The following ABCC2 variants were observed in gnomAD, a reference collection of about 807,000 sequenced individuals.
The protein encoded by ABCC2 is ATP binding cassette subfamily C member 2.
Under a neutral mutation model 173.4 loss-of-function variants are expected in ABCC2, and 157 were observed. The ratio of observed to expected loss-of-function variants is 0.91; its 90% CI spans 0.80 to 1.03. The LOEUF (loss-of-function observed/expected upper bound fraction) is 1.03, where lower values mean the gene tolerates loss of function less well. Among genes scored for constraint, ABCC2 ranks in the 50% least tolerant of loss-of-function variants. The probability of loss-of-function intolerance (pLI) is 0.00; values close to 1 mark genes in which losing one functional copy is unlikely to be tolerated. For missense variants in ABCC2, 1,822 were observed against 1,852.3 expected (o/e 0.98, Z 0.30); for synonymous variants, 657 against 693.5 (o/e 0.95, Z 0.83).
intron 19 of ABCC2, among the ~76,000 whole-genome samples, chr10:99,825,453 G>A (rs1414131673): frequency 1.3e-5 from 2 of 152,248 alleles, no homozygotes; most frequent in African/African-American, 2.4e-5. Flanking sequence ...TTACACACAG[G>A]TCTGTTCTCT....
chr10:99,833,823 G>A (rs1207318902), intron 23 of ABCC2, among the ~76,000 whole-genome samples: 1 of 152,060 alleles, frequency 6.6e-6, no homozygotes, highest in Non-Finnish European at 1.5e-5. Flanking sequence ...TTTAGGCAAG[G>A]GCAACCCAAA....
rs144305268 is a variant in ABCC2, at chr10:99,792,924, C to T, written c.333+565C>T. Among the ~76,000 whole-genome samples, 162 of 152,258 alleles carry T rather than the reference C, an allele frequency of 1.1e-3. 4 individuals are homozygous for T. In the East Asian group the frequency reaches 0.029, roughly 27 times the overall value. On this transcript the variant is annotated intron_variant, in intron 3 of 31. Coordinates refer to ENST00000647814, the MANE Select transcript of ABCC2 (RefSeq NM_000392.5). ...ATCAAAATGTCTGGCAATCGCAAAC[C>T]TACGTTCAGGCAGAGCAATGTCAGC...
At chr10:99,791,516 G>T (rs2037811770) in intron 2 of ABCC2, among the ~76,000 whole-genome samples, 1 of 152,162 alleles carries the variant, frequency 6.6e-6, no homozygotes, top group South Asian at 2.1e-4. Context: ...AGCTAAAAGA[G>T]AATTCTTTAA....
At chr10:99,808,703 C>T (rs2038158149) in intron 13 of ABCC2, among the ~76,000 whole-genome samples, 1 of 152,098 alleles carries the variant, frequency 6.6e-6, no homozygotes, top group Admixed American at 6.5e-5. Flanking sequence ...GTTCAGGAAA[C>T]CTTGGATGGA....
At chr10:99,829,640 C>G (rs1173642887) in intron 19 of ABCC2, among the ~76,000 whole-genome samples, 1 of 152,018 alleles carries the variant, frequency 6.6e-6, no homozygotes, top group Non-Finnish European at 1.5e-5. Flanking sequence ...TGAGCATTTT[C>G]TTTTCTGTTT....
chr10:99,825,391 A>T (rs1400175686), intron 19 of ABCC2, among the ~76,000 whole-genome samples: 2 of 152,232 alleles, frequency 1.3e-5, no homozygotes, highest in African/African-American at 4.8e-5. Context: ...TGATAGAGAC[A>T]TCTGCTCCAG....
At position 99,800,558 on chromosome 10, in the gene ABCC2, A is replaced by G. The variant is rs2037999987; in HGVS notation, c.1204A>G (p.Lys402Glu). ...VRTAIMASVY[K>E]KALTLSNLAR... is the part of the protein sequence containing the mutation. ...GACAGCTATCATGGCTTCTGTATAT[A>G]AGAAGGTAAGCAGAATACGGCAGGT... The change falls in exon 9 of 32, where the codon AAG (lysine) becomes GAG (glutamate). Residue 402 changes from lysine to glutamate, a missense_variant. Lys to Glu is a moderately conservative substitution (Grantham distance 56, BLOSUM62 1). Coordinates refer to ENST00000647814, the MANE Select transcript of ABCC2 (RefSeq NM_000392.5). The G allele has an allele frequency of 6.2e-7, 1 of 1,614,008 alleles. No individual in the cohort carries two copies.
intron 13 of ABCC2, 147 bp from the exon 14 acceptor site, chr10:99,809,987 G>A (rs1046732702): frequency 2.9e-6 from 2 of 695,612 alleles, no homozygotes; most frequent in South Asian, 1.6e-5. Context: ...GTCTATGGTG[G>A]GATAGCTTCC....
Position 99,842,098 on chromosome 10 carries a change from G to A in ABCC2, c.3741+5G>A, listed in dbSNP as rs1163176688. 6.2e-7 allele frequency: 1 copy of A among 1,614,076 alleles called. No individual in the cohort carries two copies. Among genetic ancestry groups the A allele is most frequent in the African/African-American group, 1.3e-5 (1 of 74,946 alleles). ...GTTCTGTCCAATGCACTCAATGTGA[G>A]TTTGAAGGTTGGGAGTTTGGTTTCG... On this transcript the variant is annotated splice_donor_5th_base_variant and intron_variant, in intron 26 of 31. Coordinates refer to ENST00000647814, the MANE Select transcript of ABCC2 (RefSeq NM_000392.5).
intron 9 of ABCC2, among the ~76,000 whole-genome samples, 171 bp downstream of exon 9, chr10:99,800,734 G>T (rs897850084): frequency 2.0e-5 from 3 of 152,186 alleles, no homozygotes; most frequent in Non-Finnish European, 4.4e-5. Flanking sequence ...TTTGAGAAGT[G>T]TGTTCACAGA....
chr10:99,820,387 A>G (rs1267642310), intron 19 of ABCC2, among the ~76,000 whole-genome samples: 2 of 76,372 alleles, frequency 2.6e-5, no homozygotes, highest in East Asian at 8.8e-4. Flanking sequence ...GTGAAACTCC[A>G]TCTCACACAC....
At position 99,850,617 on chromosome 10, in the gene ABCC2, G is replaced by C; in HGVS notation, c.4329G>C (p.Gln1443His). The C allele has an allele frequency of 1.9e-6, 3 of 1,614,206 alleles. No individual in the cohort carries two copies. The highest frequency in any genetic ancestry group is 2.5e-6 in the Non-Finnish European group (3 of 1,180,038). Residue 1443 changes from glutamine (Q) to histidine (H), a missense_variant, in exon 31 of 32, where the codon CAG becomes CAC. Transcript: ENST00000647814. ...TTGGCTGCAGCATAGGCCAGAGGCAGCTGCTGTGCCTGGGCAGGGCTCTGC... is the reference window on the plus strand; with the variant it reads ...TTGGCTGCAGCATAGGCCAGAGGCACCTGCTGTGCCTGGGCAGGGCTCTGC... ...AGGNLSIGQR[Q>H]LLCLGRALLR...
In ABCC2 at chr10:99,834,514, C is replaced by T. The variant is rs752707947; in HGVS notation, c.3393C>T (p.Gly1131=). The change falls in exon 24 of 32, where the codon GGC becomes GGT. Residue 1131 remains glycine (G), a synonymous_variant. Coordinates refer to ENST00000647814, the MANE Select transcript of ABCC2 (RefSeq NM_000392.5). The part of the protein sequence containing the change: ...PVFTIIVIPL[G]IIYVSVQMFY... ...TCACCATCATCGTCATTCCTCTTGG[C>T]ATTATTTATGTATCTGTTCAGGTAG... The T allele has an allele frequency of 2.0e-5, 33 of 1,614,058 alleles. No individual in the cohort carries two copies. The South Asian group carries it at 3.3e-4, about 16-fold the overall frequency.
At chr10:99,808,621 T>C (rs1184821112) in intron 13 of ABCC2, among the ~76,000 whole-genome samples, 7 of 152,066 alleles carry the variant, frequency 4.6e-5, no homozygotes, top group Admixed American at 4.6e-4. Context: ...GACCCTCCCT[T>C]TGCATAAACC....
Position 99,851,815 on chromosome 10 carries a change from CCCTCGATTGTCTA to C in ABCC2, c.*192_*204del. The stretch of plus-strand genomic sequence containing the variant: ...AAATGTCACCAGGTACTTGAGAAAC[CCCTCGATTGTCTA>C]CCTCGATCGTACTTCCTTGCTACCC... On this transcript the variant is annotated 3_prime_UTR_variant, in exon 32 of 32. Coordinates refer to ENST00000647814, the MANE Select transcript of ABCC2 (RefSeq NM_000392.5). The C allele has an allele frequency of 1.8e-6, 1 of 560,382 alleles. No homozygotes were observed. The highest frequency in any genetic ancestry group is 3.2e-5 in the East Asian group (1 of 31,004). The allele number at this position is 560,382 out of a possible 1,614,324, so 34.7% of individuals were successfully genotyped here.
At chr10:99,835,531 C>A (rs2038806901) in intron 24 of ABCC2, among the ~76,000 whole-genome samples, 1 of 152,102 alleles carries the variant, frequency 6.6e-6, no homozygotes. Flanking sequence ...TACCCTGTTC[C>A]AGTTCTTACC....
intron 14 of ABCC2, among the ~76,000 whole-genome samples, chr10:99,811,236 C>T (rs7076773): frequency 2.0e-5 from 3 of 151,428 alleles, no homozygotes; most frequent in Non-Finnish European, 4.4e-5. Context: ...AGGCTGAGGT[C>T]GGAGAATCTC....
intron 16 of ABCC2, among the ~76,000 whole-genome samples, chr10:99,816,481 G>A (rs1202115740): frequency 2.0e-5 from 3 of 150,924 alleles, no homozygotes; most frequent in African/African-American, 7.3e-5. Context: ...ATGGGGTTTT[G>A]CCATGTTGGC....
rs1381997807 is a variant in ABCC2, at chr10:99,800,557, T to A, written c.1203T>A (p.Tyr401Ter). 3 of 1,614,058 alleles carry A rather than the reference T, an allele frequency of 1.9e-6. No homozygotes were observed. The highest frequency in any genetic ancestry group is 1.7e-6 in the Non-Finnish European group (2 of 1,180,002). ...KVRTAIMASV[Y>*]KKALTLSNLA... is the part of the protein sequence containing the mutation. ...GGACAGCTATCATGGCTTCTGTATA[T>A]AAGAAGGTAAGCAGAATACGGCAGG... is the stretch of plus-strand genomic sequence containing the variant. Residue 401 changes from tyrosine (Y) to a stop codon, truncating the protein, a stop_gained, in exon 9 of 32, where the codon TAT becomes TAA. Coordinates refer to ENST00000647814, the MANE Select transcript of ABCC2 (RefSeq NM_000392.5). LOFTEE classifies it high-confidence loss of function.
Sources: gnomAD v4.1 joint callset for allele counts (sites outside exome capture counted in the v4.1 genomes callset) on GRCh38, gnomAD v4.1.1 for gene constraint, MANE v1.5 for transcripts, NCBI Gene and HGNC (gene_info 2026-07-23, HGNC 2026-07-21) for gene names.